Variants in SHMT1 observed in about 807,000 individuals in gnomAD.
SHMT1 encodes the protein serine hydroxymethyltransferase, cytosolic.
In SHMT1, 45 loss-of-function variants were observed where a neutral mutation model predicts 49.0. The ratio of observed to expected loss-of-function variants is 0.92; its 90% confidence interval spans 0.72 to 1.18. The LOEUF (loss-of-function observed/expected upper bound fraction) is 1.18, where lower values mean the gene tolerates loss of function less well. Ranked by LOEUF, SHMT1 falls within the 50% of genes most tolerant of loss-of-function variation. The pLI, the probability that SHMT1 is intolerant of heterozygous loss-of-function variation, is 0.00. For missense variants in SHMT1, 541 were observed against 612.4 expected, an observed-to-expected ratio of 0.88 and a Z score of 1.23; for synonymous variants, 232 against 246.6, an observed-to-expected ratio of 0.94 and a Z score of 0.55.
chr17:18,356,028 C>T (rs772909827), intron 1 of SHMT1, 28 bp from the exon 2 acceptor site: 21 of 1,022,478 alleles, frequency 2.1e-5, no homozygotes, highest in Non-Finnish European at 2.9e-5. Flanking sequence ...ACATGTGTAG[C>T]TTCCAGAATT....
At position 18,340,555 on chromosome 17, in the gene SHMT1, G is replaced by T; in HGVS notation, c.601+177C>A. 1 of 710,342 alleles carries T rather than the reference G, an allele frequency of 1.4e-6. No individual in the cohort carries two copies. Among genetic ancestry groups the T allele is most frequent in the Non-Finnish European group, 2.5e-6 (1 of 395,038 alleles). The allele number at this position is 710,342 out of a possible 1,614,324, so 44.0% of individuals were successfully genotyped here. On this transcript the variant is annotated intron_variant, in intron 6 of 11. Coordinates refer to ENST00000316694, the MANE Select transcript of SHMT1 (RefSeq NM_004169.5). The surrounding 1 kb of genome is among the most constrained non-coding windows in gnomAD (Gnocchi z 4.5). ...CATCTTAATCTACATAGCACAAAAA[G>T]CAGCAAACACACATCTGTATCCTGA...
intron 9 of SHMT1, 77 bp downstream of exon 9, chr17:18,333,089 C>T (rs760686951): frequency 6.4e-7 from 1 of 1,573,144 alleles, no homozygotes; most frequent in South Asian, 1.1e-5. Context: ...TGGGCCACAT[C>T]CTGGTTGCAC....
At position 18,335,662 on chromosome 17, in the gene SHMT1, C is replaced by G. The variant is rs1356851839; in HGVS notation, c.828G>C (p.Val276=). Residue 276 remains valine, a synonymous_variant, in exon 8 of 12, where the codon GTG becomes GTC. Coordinates refer to ENST00000316694, the MANE Select transcript of SHMT1 (RefSeq NM_004169.5). ...GAATCTCTTTGCCAGTCTTGGGATC[C>G]ACACTTTTCACTCCTGGAGGAAGAA... The part of the protein sequence containing the change: ...MIFYRKGVKS[V]DPKTGKEILY... The G allele has an allele frequency of 2.5e-6, 4 of 1,611,172 alleles. No homozygotes were observed. In the Middle Eastern group the frequency reaches 6.6e-4, roughly 266 times the overall value.
chr17:18,354,300 T>A (rs1351019843), intron 2 of SHMT1, among the ~76,000 whole-genome samples: 2 of 152,158 alleles, frequency 1.3e-5, no homozygotes, highest in African/African-American at 4.8e-5. Flanking sequence ...ATGCCTGTAA[T>A]CCCAGCTACT....
At chr17:18,350,144 T>C (rs943624160) in intron 3 of SHMT1, among the ~76,000 whole-genome samples, 2 of 151,742 alleles carry the variant, frequency 1.3e-5, no homozygotes, top group African/African-American at 2.4e-5. Context: ...CTGGCTAACA[T>C]GGTGAAACCC....
chr17:18,362,513 G>A (rs143966529), intron 1 of SHMT1, among the ~76,000 whole-genome samples: 1 of 152,166 alleles, frequency 6.6e-6, no homozygotes, highest in African/African-American at 2.4e-5. Context: ...TAGTACAGAC[G>A]GGGTTTCACC....
rs1282706890 is a variant in SHMT1 at position 18,328,486 on chromosome 17, A to G, written c.*264T>C. The G allele has an allele frequency of 5.9e-6, 3 of 505,348 alleles. No individual in the cohort carries two copies. The highest frequency in any genetic ancestry group is 5.8e-5 in the African/African-American group (3 of 51,804). 31.3% of individuals were successfully genotyped at this position (505,348 alleles called of 1,614,324 possible). On this transcript the variant is annotated 3_prime_UTR_variant, in exon 12 of 12. Coordinates refer to ENST00000316694, the MANE Select transcript of SHMT1 (RefSeq NM_004169.5). ...TGACCAAGTGGCGACATAGTATTTT[A>G]TTTTCCTAGAATTATGTCCAGCTGT...
At chr17:18,360,045 C>T (rs187848650) in intron 1 of SHMT1, among the ~76,000 whole-genome samples, 219 of 151,938 alleles carry the variant, frequency 1.4e-3, no homozygotes, top group African/African-American at 4.9e-3. Context: ...GTCAGGAGTT[C>T]GAGACCAGCC....
At chr17:18,348,627 A>C in intron 3 of SHMT1, 187 bp from the exon 4 acceptor site, 1 of 709,972 alleles carries the variant, frequency 1.4e-6, no homozygotes, top group Non-Finnish European at 2.6e-6. Flanking sequence ...TGGAATCTAC[A>C]GTCAAGAGAC....
Position 18,329,301 on chromosome 17 carries a change from T to C in SHMT1, c.1259A>G (p.Lys420Arg), listed in dbSNP as rs377430870. Residue 420 changes from lysine to arginine, a missense_variant, in exon 11 of 12, where the codon AAA becomes AGA. Physicochemically the swap from Lys to Arg is conservative, Grantham distance 26. Coordinates refer to ENST00000316694, the MANE Select transcript of SHMT1 (RefSeq NM_004169.5). ...SRGLLEKDFQ[K>R]VAHFIHRGIE... ...ACCTCTGTGAATAAAGTGGGCTACT[T>C]TTTGGAAGTCTTTTTCCAAAAGTCC... The C allele has an allele frequency of 5.0e-6, 8 of 1,613,118 alleles. No individual in the cohort carries two copies. Among genetic ancestry groups the C allele is most frequent in the South Asian group, 1.1e-5 (1 of 91,036 alleles).
rs975249023 is a variant in SHMT1 at position 18,356,014 on chromosome 17, A to G, written c.-19-14T>C. The G allele has an allele frequency of 8.1e-7, 1 of 1,238,254 alleles. No homozygotes were observed. The highest frequency in any genetic ancestry group is 1.2e-6 in the Non-Finnish European group (1 of 839,846). The allele number at this position is 1,238,254 out of a possible 1,614,324, so 76.7% of individuals were successfully genotyped here. A position where few individuals can be genotyped will look rare whatever the true frequency, so the allele number is the denominator to read the frequency against. ...GTTCGAAGCTGCCTAAAAAAATGGG[A>G]AAAACATGTGTAGCTTCCAGAATTA... On this transcript the variant is annotated splice_polypyrimidine_tract_variant and intron_variant, in intron 1 of 11. Transcript: ENST00000316694.
chr17:18,335,131 A>C (rs1052886270), intron 8 of SHMT1, among the ~76,000 whole-genome samples: 1 of 152,252 alleles, frequency 6.6e-6, no homozygotes, highest in Non-Finnish European at 1.5e-5. Flanking sequence ...AATCTGACTC[A>C]GGAGTCACTG....
chr17:18,355,932 G>A lies in SHMT1; in HGVS notation c.50C>T (p.Ser17Leu). The change falls in exon 2 of 12, where the codon TCA (serine) becomes TTA (leucine). Residue 17 changes from serine to leucine, a missense_variant. By Grantham distance (145) the Ser-to-Leu change is moderately radical. Coordinates refer to ENST00000316694, the MANE Select transcript of SHMT1 (RefSeq NM_004169.5). ...GAHKDADLWSSHDKMLAQPLK... is the reference protein window; with the variant it reads ...GAHKDADLWSLHDKMLAQPLK... ...GGGTTGTGCCAGCATCTTGTCATGT[G>A]AGGACCACAGGTCAGCATCCTTGTG... 6.2e-7 allele frequency: 1 copy of A among 1,614,100 alleles called. No homozygotes were observed. Among genetic ancestry groups the A allele is most frequent in the Non-Finnish European group, 8.5e-7 (1 of 1,179,976 alleles).
intron 7 of SHMT1, among the ~76,000 whole-genome samples, chr17:18,336,388 G>A (rs1185037365): frequency 6.6e-6 from 1 of 152,170 alleles, no homozygotes; most frequent in East Asian, 1.9e-4. Flanking sequence ...CCATGTGGCT[G>A]GGCGTGGTGG....
intron 10 of SHMT1, 125 bp from the exon 11 acceptor site, chr17:18,329,513 G>A: frequency 1.3e-6 from 1 of 760,880 alleles, no homozygotes; most frequent in East Asian, 2.7e-5. Flanking sequence ...CTAGCAAGGA[G>A]TACAACTGAT....
At chr17:18,358,580 A>G (rs941604520) in intron 1 of SHMT1, among the ~76,000 whole-genome samples, 3 of 151,990 alleles carry the variant, frequency 2.0e-5, no homozygotes, top group Admixed American at 2.0e-4. Flanking sequence ...TAAGTAATCC[A>G]CAGAGTTCCT....
Position 18,333,276 on chromosome 17 carries a change from G to A in SHMT1, c.944C>T (p.Ala315Val), listed in dbSNP as rs1377046167. 6.2e-7 allele frequency: 1 copy of A among 1,613,270 alleles called. No homozygotes were observed. The highest frequency in any genetic ancestry group is 1.3e-5 in the African/African-American group (1 of 74,910). The change falls in exon 9 of 12, where the codon GCA becomes GTA. Residue 315 changes from alanine (A) to valine (V), a missense_variant. Transcript: ENST00000316694. ...HNHAIAGVAV[A>V]LKQAMTLEFK... The stretch of plus-strand genomic sequence containing the variant: ...TTCCAGAGTCATAGCTTGCTTCAGT[G>A]CCACAGCAACCCCTGGACAAGAAGA...
intron 2 of SHMT1, among the ~76,000 whole-genome samples, chr17:18,355,369 CAAA>C (rs778650524): frequency 0.023 from 1,420 of 62,706 alleles, 33 homozygotes; most frequent in African/African-American, 0.081. Context: ...GACTCTGTCT[CAAA>C]AAAAAAAAAA....
At chr17:18,354,549 T>C (rs964331914) in intron 2 of SHMT1, among the ~76,000 whole-genome samples, 1 of 152,140 alleles carries the variant, frequency 6.6e-6, no homozygotes, top group Non-Finnish European at 1.5e-5. Context: ...TGAGCCGAGA[T>C]CGCGCCATCG....
Sources: gnomAD v4.1 joint callset for allele counts (sites outside exome capture counted in the v4.1 genomes callset) on GRCh38, gnomAD v4.1.1 for gene constraint, Gnocchi (gnomAD v3.1) non-coding constraint, MANE v1.5 for transcripts, NCBI Gene and HGNC (gene_info 2026-07-23, HGNC 2026-07-21) for gene names.